Variants in MYO16 observed in about 807,000 individuals in gnomAD.
MYO16 encodes the protein unconventional myosin-XVI.
In MYO16, 94 loss-of-function variants were observed where a neutral mutation model predicts 205.3. The observed-to-expected ratio is 0.46, with a 90% confidence interval of 0.39 to 0.54. MYO16 has a LOEUF of 0.54. Ranked by LOEUF, MYO16 falls within the 20% of genes least tolerant of loss-of-function variation. MYO16 has a pLI of 0.00. For missense variants in MYO16, 2,315 were observed against 2,387.5 expected (o/e 0.97, Z 0.63); for synonymous variants, 988 against 954.0 (o/e 1.04, Z -0.66).
chr13:108,879,969 G>T (rs1360616623), intron 12 of MYO16, among the ~76,000 whole-genome samples: 1 of 152,204 alleles, frequency 6.6e-6, no homozygotes, highest in African/African-American at 2.4e-5. Context: ...CTAGTTTACA[G>T]TCCCACAAAC....
intron 1 of MYO16, among the ~76,000 whole-genome samples, chr13:108,663,052 G>A (rs757552482): frequency 5.3e-5 from 8 of 152,196 alleles, no homozygotes; most frequent in Non-Finnish European, 8.8e-5. Context: ...GTCTGGGAAA[G>A]GAGGGTCTCT....
intron 5 of MYO16, 97 bp downstream of exon 5, chr13:108,785,840 A>G: frequency 1.3e-6 from 1 of 788,464 alleles, no homozygotes; most frequent in South Asian, 1.8e-5. Context: ...TTTCCGATGG[A>G]TGTAGTTTCC....
the MYO16 span, among the ~76,000 whole-genome samples, chr13:108,577,353 A>G: frequency 1.3e-5 from 2 of 152,236 alleles, no homozygotes; most frequent in Non-Finnish European, 2.9e-5. Context: ...TCTCATATAT[A>G]GGATGAGGAT....
intron 4 of MYO16, among the ~76,000 whole-genome samples, chr13:108,767,472 T>G (rs1885819553): frequency 6.6e-6 from 1 of 152,068 alleles, no homozygotes; most frequent in African/African-American, 2.4e-5. Context: ...ATGGTACATT[T>G]TTTTCAATAA....
intron 3 of MYO16, among the ~76,000 whole-genome samples, chr13:108,714,627 G>T (rs1277105562): frequency 3.7e-5 from 5 of 135,544 alleles, no homozygotes; most frequent in African/African-American, 1.3e-4. Flanking sequence ...TATATAGAGA[G>T]AGAGAGATTA....
chr13:108,939,751 C>T (rs1454692802), intron 16 of MYO16, among the ~76,000 whole-genome samples: 1 of 152,156 alleles, frequency 6.6e-6, no homozygotes, highest in African/African-American at 2.4e-5. Flanking sequence ...CAGATTAACA[C>T]ATTTATCAGA....
intron 1 of MYO16, among the ~76,000 whole-genome samples, chr13:108,635,197 T>C (rs1880167196): frequency 1.3e-5 from 2 of 152,296 alleles, no homozygotes; most frequent in South Asian, 4.1e-4. Context: ...GGAGTAGCAC[T>C]TCAGATTACC....
intron 28 of MYO16, among the ~76,000 whole-genome samples, chr13:109,107,834 T>G (rs1337321045): frequency 3.4e-5 from 5 of 148,448 alleles, no homozygotes; most frequent in African/African-American, 1.2e-4. Context: ...TTATATTATA[T>G]TATATTATAT....
intron 9 of MYO16, among the ~76,000 whole-genome samples, chr13:108,827,753 T>C (rs1876356425): frequency 6.6e-6 from 1 of 152,210 alleles, no homozygotes; most frequent in African/African-American, 2.4e-5. Context: ...GTTGCCTTTC[T>C]GTCTTCAGAT....
At position 108,748,697 on chromosome 13, in the gene MYO16, A is replaced by G. The variant is rs180810467; in HGVS notation, c.507+21114A>G. Among the ~76,000 whole-genome samples, 109 of 152,300 alleles carry G rather than the reference A, an allele frequency of 7.2e-4. 1 individual carries two copies. The highest frequency in any genetic ancestry group is 2.4e-3 in the African/African-American group (101 of 41,584). On this transcript the variant is annotated intron_variant, in intron 4 of 34. Transcript: ENST00000457511. ...CCGATATAAATATAGTCCAGTGATC[A>G]TTGATGAAGAACAGCAATGCAAAAG...
At chr13:108,757,351 G>A (rs1273638928) in intron 4 of MYO16, among the ~76,000 whole-genome samples, 2 of 152,164 alleles carry the variant, frequency 1.3e-5, no homozygotes, top group African/African-American at 4.8e-5. Context: ...TAATGCGGGA[G>A]AATCATTTAT....
At chr13:108,877,383 C>T (rs914639235) in intron 12 of MYO16, among the ~76,000 whole-genome samples, 2 of 152,228 alleles carry the variant, frequency 1.3e-5, no homozygotes, top group Non-Finnish European at 2.9e-5. Context: ...GCCCTGTCCC[C>T]TTGGGCCTGT....
At chr13:108,501,222 T>C in the MYO16 span, among the ~76,000 whole-genome samples, 1 of 152,124 alleles carries the variant, frequency 6.6e-6, no homozygotes, top group Non-Finnish European at 1.5e-5. Flanking sequence ...TGTGTCTGGA[T>C]TGGGTTGGTG....
intron 24 of MYO16, among the ~76,000 whole-genome samples, chr13:109,051,671 A>G (rs932260848): frequency 5.9e-5 from 9 of 152,328 alleles, no homozygotes; most frequent in Non-Finnish European, 8.8e-5. Context: ...ATATGGACTC[A>G]TGGACTCAGA....
intron 20 of MYO16, among the ~76,000 whole-genome samples, chr13:108,971,289 C>T (rs1393355692): frequency 6.6e-6 from 1 of 151,370 alleles, no homozygotes; most frequent in Non-Finnish European, 1.5e-5. Flanking sequence ...TGCCTTCAAA[C>T]ATCAAAACCT....
intron 16 of MYO16, among the ~76,000 whole-genome samples, chr13:108,937,444 T>G (rs1882538455): frequency 6.6e-6 from 1 of 152,244 alleles, no homozygotes; most frequent in South Asian, 2.1e-4. Context: ...TCTTGAATTA[T>G]TCCTTCAAAT....
chr13:108,849,503 T>G (rs973375287), intron 10 of MYO16, among the ~76,000 whole-genome samples: 1 of 146,544 alleles, frequency 6.8e-6, no homozygotes, highest in Non-Finnish European at 1.5e-5. Context: ...CACACAGTCT[T>G]TTTTTTTTTT....
intron 11 of MYO16, among the ~76,000 whole-genome samples, chr13:108,859,719 C>T (rs1878363635): frequency 6.6e-6 from 1 of 152,064 alleles, no homozygotes; most frequent in Non-Finnish European, 1.5e-5. Flanking sequence ...CCAGAGAGAA[C>T]AGAATATGCA....
chr13:108,697,832 C>T (rs1034147412), intron 2 of MYO16, among the ~76,000 whole-genome samples: 2 of 152,110 alleles, frequency 1.3e-5, no homozygotes, highest in African/African-American at 4.8e-5. Context: ...AAGCAATTCT[C>T]CTGCCTCAGC....
Sources: allele counts gnomAD v4.1 joint callset (sites outside exome capture counted in the v4.1 genomes callset), GRCh38; gene constraint gnomAD v4.1.1; transcripts MANE v1.5; gene names NCBI Gene and HGNC (gene_info 2026-07-23, HGNC 2026-07-21).